The following RAB2A variants were observed in gnomAD, a reference collection of about 807,000 sequenced individuals.
RAB2A encodes the protein ras-related protein Rab-2A.
Under a neutral mutation model 32.5 loss-of-function variants are expected in RAB2A, and 7 were observed. The observed-to-expected ratio is 0.22, with a 90% CI of 0.12 to 0.40. RAB2A has a LOEUF of 0.40. Among genes scored for constraint, RAB2A ranks in the 10% least tolerant of loss-of-function variants. The pLI is 1.00. For missense variants in RAB2A, 108 were observed against 260.7 expected, an observed-to-expected ratio of 0.41 and a Z score of 4.03; for synonymous variants, 79 against 85.2, an observed-to-expected ratio of 0.93 and a Z score of 0.40.
rs11988531 is a variant in RAB2A, at chr8:60,561,480, G to C, written c.118+2557G>C. ...CAGAGCTCTTAAGGAGGGAACCCGGGAAATCCTGTTTCTCATTCTCCCATC... is the reference window on the plus strand; with the variant it reads ...CAGAGCTCTTAAGGAGGGAACCCGGCAAATCCTGTTTCTCATTCTCCCATC... On this transcript the variant is annotated intron_variant, in intron 2 of 7. Transcript: ENST00000262646. Among the ~76,000 whole-genome samples, 1,249 of 152,274 alleles carry C rather than the reference G, an allele frequency of 8.2e-3. 15 individuals carry two copies. Among genetic ancestry groups the C allele is most frequent in the African/African-American group, 0.028 (1,146 of 41,532 alleles).
chr8:60,525,327 C>T (rs185109959), intron 1 of RAB2A, among the ~76,000 whole-genome samples: 3 of 152,246 alleles, frequency 2.0e-5, no homozygotes, highest in Non-Finnish European at 4.4e-5. Flanking sequence ...CCTGCCGCCA[C>T]GTAATATGTG....
At chr8:60,572,632 TTGAG>T (rs1320027826) in intron 3 of RAB2A, among the ~76,000 whole-genome samples, 1 of 152,140 alleles carries the variant, frequency 6.6e-6, no homozygotes, top group Non-Finnish European at 1.5e-5. Flanking sequence ...AGAAAATGAT[TTGAG>T]TGACTGTTTT....
intron 6 of RAB2A, among the ~76,000 whole-genome samples, chr8:60,613,036 A>G (rs1804384596): frequency 6.6e-6 from 1 of 152,258 alleles, no homozygotes; most frequent in South Asian, 2.1e-4. Flanking sequence ...ATGAAATTCT[A>G]GTCTGCTGTG....
chr8:60,617,292 T>C (rs1308486899), intron 6 of RAB2A, among the ~76,000 whole-genome samples: 1 of 152,190 alleles, frequency 6.6e-6, no homozygotes, highest in African/African-American at 2.4e-5. Context: ...TTTTGACAAT[T>C]TAATGGCAAA....
Position 60,604,962 on chromosome 8 carries a change from G to T in RAB2A, c.474+12993G>T, listed in dbSNP as rs191387435. On this transcript the variant is annotated intron_variant, in intron 6 of 7. Transcript: ENST00000262646. ...ACCAAATGCTAATAGCCATGACAAT[G>T]GGGAGAAGGCCTGGAAGGCATTTCA... Among the ~76,000 whole-genome samples, 35 of 152,296 alleles carry T rather than the reference G, an allele frequency of 2.3e-4. No homozygotes were observed. In the East Asian group the frequency reaches 6.2e-3, roughly 27 times the overall value.
chr8:60,599,583 CAT>C (rs951360165), intron 6 of RAB2A, among the ~76,000 whole-genome samples: 6 of 152,144 alleles, frequency 3.9e-5, no homozygotes, highest in Admixed American at 2.6e-4. Flanking sequence ...GGGATAGACA[CAT>C]AGATCAATGG....
intron 1 of RAB2A, among the ~76,000 whole-genome samples, chr8:60,550,790 T>G (rs73259444): frequency 6.6e-6 from 1 of 152,138 alleles, no homozygotes; most frequent in Non-Finnish European, 1.5e-5. Flanking sequence ...CTGAAAACTC[T>G]CCAGTGAATC....
At chr8:60,538,767 G>A (rs913277812) in intron 1 of RAB2A, among the ~76,000 whole-genome samples, 50 of 152,306 alleles carry the variant, frequency 3.3e-4, no homozygotes, top group Middle Eastern at 3.4e-3. Context: ...TGATGAAGCT[G>A]TCATGCCCTG....
chr8:60,565,258 A>C (rs1196725527), intron 2 of RAB2A, among the ~76,000 whole-genome samples: 2 of 152,108 alleles, frequency 1.3e-5, no homozygotes, highest in Non-Finnish European at 2.9e-5. Context: ...ATCTCTACAA[A>C]AAGTTTAAAA....
intron 1 of RAB2A, among the ~76,000 whole-genome samples, chr8:60,547,305 C>T (rs188367868): frequency 2.0e-4 from 31 of 152,374 alleles, no homozygotes; most frequent in African/African-American, 6.3e-4. Context: ...TCTTTCTACA[C>T]AGACATGGCA....
chr8:60,591,404 T>G (rs996617534), intron 5 of RAB2A, among the ~76,000 whole-genome samples: 4 of 150,720 alleles, frequency 2.7e-5, no homozygotes, highest in African/African-American at 9.7e-5. Flanking sequence ...GTAATGTATC[T>G]TTAGTACTTT....
In RAB2A at chr8:60,620,882, A is replaced by G; in HGVS notation, c.*113A>G. The G allele has an allele frequency of 1.2e-6, 1 of 821,724 alleles. No homozygotes were observed. The highest frequency in any genetic ancestry group is 1.8e-6 in the Non-Finnish European group (1 of 542,022). The allele number at this position is 821,724 out of a possible 1,614,324, so 50.9% of individuals were successfully genotyped here. A position where few individuals can be genotyped will look rare whatever the true frequency, so the allele number is the denominator to read the frequency against. On this transcript the variant is annotated 3_prime_UTR_variant, in exon 8 of 8. Transcript: ENST00000262646. ...ATTTGAAATGGCTTTATGTCACAGA[A>G]GACTTTAATCCGTCAAATTCTTGTA...
chr8:60,566,890 G>T lies in RAB2A; in HGVS notation c.119-5156G>T, dbSNP rs141934427. 4.6e-3 allele frequency among the ~76,000 whole-genome samples: 705 copies of T among 152,186 alleles called. 5 individuals are homozygous for T. The highest frequency in any genetic ancestry group is 0.016 in the African/African-American group (656 of 41,516). On this transcript the variant is annotated intron_variant, in intron 2 of 7. Transcript: ENST00000262646. ...TGATTTTTTGAGTTAGTTCACTGAG[G>T]ATAATGGCCTTCAGCTCCATCCCTG...
chr8:60,533,277 G>T (rs914961157), intron 1 of RAB2A, among the ~76,000 whole-genome samples: 1 of 152,216 alleles, frequency 6.6e-6, no homozygotes, highest in Non-Finnish European at 1.5e-5. Flanking sequence ...GACCTCAACT[G>T]CAATTCAGTT....
Position 60,517,149 on chromosome 8 carries a change from G to A in RAB2A, c.-59G>A, listed in dbSNP as rs1367040215. 3.4e-6 allele frequency: 5 copies of A among 1,455,500 alleles called. No individual in the cohort carries two copies. In the African/African-American group the frequency reaches 7.4e-5, roughly 22 times the overall value. The allele number at this position is 1,455,500 out of a possible 1,614,324, so 90.2% of individuals were successfully genotyped here. On this transcript the variant is annotated 5_prime_UTR_variant, in exon 1 of 8. Coordinates refer to ENST00000262646, the MANE Select transcript of RAB2A (RefSeq NM_002865.3). ...CTGAGCGGCACCGGGGTTGGGGCGC[G>A]GAGGAGGAGCAGCAGCGGGAGGAGG...
chr8:60,553,226 G>C (rs1420692976), intron 1 of RAB2A, among the ~76,000 whole-genome samples: 1 of 152,174 alleles, frequency 6.6e-6, no homozygotes, highest in Non-Finnish European at 1.5e-5. Flanking sequence ...ATGTGATTTT[G>C]GGGGCTGGAC....
chr8:60,606,615 T>TAG (rs373658539), intron 6 of RAB2A, among the ~76,000 whole-genome samples: 262 of 152,236 alleles, frequency 1.7e-3, no homozygotes, highest in Middle Eastern at 0.01. Flanking sequence ...GACAGGATCA[T>TAG]AGAGAGAGAG....
chr8:60,606,386 A>G (rs1188219036), intron 6 of RAB2A, among the ~76,000 whole-genome samples: 1 of 152,200 alleles, frequency 6.6e-6, no homozygotes, highest in Non-Finnish European at 1.5e-5. Context: ...ATATTTTAGT[A>G]TCTGTCCAGA....
chr8:60,613,316 A>G (rs939705809), intron 6 of RAB2A, among the ~76,000 whole-genome samples: 1 of 152,100 alleles, frequency 6.6e-6, no homozygotes, highest in African/African-American at 2.4e-5. Context: ...CGTTCATGCC[A>G]ACAGCTGACA....
Sources: gnomAD v4.1 joint callset for allele counts (sites outside exome capture counted in the v4.1 genomes callset) on GRCh38, gnomAD v4.1.1 for gene constraint, MANE v1.5 for transcripts, NCBI Gene and HGNC (gene_info 2026-07-23, HGNC 2026-07-21) for gene names.